The following MROH2A variants were observed in gnomAD, a reference collection of about 807,000 sequenced individuals.
MROH2A encodes maestro heat like repeat family member 2A, also known as maestro heat-like repeat-containing protein family member 2A.
MROH2A carries 174 observed loss-of-function variants against 200.4 expected under a neutral mutation model. That is an observed-to-expected ratio of 0.87 (90% CI 0.77 to 0.98). MROH2A has a LOEUF of 0.98. Among genes scored for constraint, MROH2A ranks in the 50% least tolerant of loss-of-function variants. The pLI, the probability that MROH2A is intolerant of heterozygous loss-of-function variation, is 0.00. For missense variants in MROH2A, 2,045 were observed against 2,139.6 expected (o/e 0.96, Z 0.87); for synonymous variants, 829 against 840.4 (o/e 0.99, Z 0.23).
At position 233,779,957 on chromosome 2, in the gene MROH2A, T is replaced by C. The variant is rs532835891; in HGVS notation, c.276+105T>C. 195 of 978,980 alleles carry C rather than the reference T, an allele frequency of 2.0e-4. 1 individual carries two copies. In the South Asian group the frequency reaches 3.1e-3, roughly 16 times the overall value. 60.6% of individuals were successfully genotyped at this position (978,980 alleles called of 1,614,324 possible). On this transcript the variant is annotated intron_variant, in intron 3 of 41. Transcript: ENST00000389758. ...CTATCAGAGATGTGATGTGTGGTAC[T>C]GGGATACAGAGATGGGCAAGACTGT...
At chr2:233,793,621 T>C in intron 6 of MROH2A, 52 bp from the exon 7 acceptor site, 1 of 1,334,940 alleles carries the variant, frequency 7.5e-7, no homozygotes, top group Non-Finnish European at 9.7e-7. Context: ...AAGGCTTGGT[T>C]CTGCTTCCAG....
intron 39 of MROH2A, 41 bp downstream of exon 39, chr2:233,831,581 C>A: frequency 6.5e-7 from 1 of 1,537,666 alleles, no homozygotes; most frequent in South Asian, 1.2e-5. Context: ...CCCAGGTGGC[C>A]ACACGCTGGC....
rs1701588010 is a variant in MROH2A, at chr2:233,789,484, A to G, written c.277-13A>G. 2 of 1,406,426 alleles carry G rather than the reference A, an allele frequency of 1.4e-6. No homozygotes were observed. The allele number at this position is 1,406,426 out of a possible 1,614,324, so 87.1% of individuals were successfully genotyped here. On this transcript the variant is annotated splice_polypyrimidine_tract_variant and intron_variant, in intron 3 of 41. Coordinates refer to ENST00000389758, the MANE Select transcript of MROH2A (RefSeq NM_001394639.1). ...GGGTGAGGTCCATTCCACCCACCAT[A>G]CTTGTTTCCCAGATTTCCACCCAGC...
intron 24 of MROH2A, 30 bp from the exon 25 acceptor site, chr2:233,813,640 G>A (rs1169161449): frequency 2.1e-6 from 3 of 1,405,770 alleles, no homozygotes; most frequent in Non-Finnish European, 3.0e-6. Flanking sequence ...CCCAATGACT[G>A]TTCCTCTCTT....
chr2:233,793,884 TG>T, intron 7 of MROH2A, 60 bp downstream of exon 7: 1 of 1,331,784 alleles, frequency 7.5e-7, no homozygotes. Flanking sequence ...CCCCAGCCTG[TG>T]GGGCCGGGAG....
Position 233,828,626 on chromosome 2 carries a change from C to A in MROH2A, c.4114-4C>A. On this transcript the variant is annotated splice_region_variant and splice_polypyrimidine_tract_variant and intron_variant, in intron 35 of 41. Transcript: ENST00000389758. This position sits in a 1 kb window ranked among gnomAD's most constrained non-coding sequence, Gnocchi z 4.6. The stretch of plus-strand genomic sequence containing the variant: ...GGATAACTGCCCAATGTCCTCCCTT[C>A]CAGTTCATGAGCGGCCCAGTTCTGT... 6.4e-7 allele frequency: 1 copy of A among 1,550,496 alleles called. No homozygotes were observed. The highest frequency in any genetic ancestry group is 8.7e-7 in the Non-Finnish European group (1 of 1,146,712).
chr2:233,822,437 C>G lies in MROH2A; in HGVS notation c.3747C>G (p.Leu1249=). 1 of 1,545,518 alleles carries G rather than the reference C, an allele frequency of 6.5e-7. No individual in the cohort carries two copies. Among genetic ancestry groups the G allele is most frequent in the Non-Finnish European group, 8.7e-7 (1 of 1,144,930 alleles). The change falls in exon 33 of 42, where the codon CTC becomes CTG. Residue 1249 remains leucine (L), a synonymous_variant. Coordinates refer to ENST00000389758, the MANE Select transcript of MROH2A (RefSeq NM_001394639.1). ...AGCTCCCGGACTTCCTCCCTGACCTCATCTACACCCTCCTGCTGCAGCTTG... is the reference window on the plus strand; with the variant it reads ...AGCTCCCGGACTTCCTCCCTGACCTGATCTACACCCTCCTGCTGCAGCTTG... The part of the protein sequence containing the change: ...NDKLPDFLPD[L]IYTLLLQLGS...
intron 3 of MROH2A, among the ~76,000 whole-genome samples, chr2:233,783,364 T>C (rs1416034613): frequency 6.6e-6 from 1 of 152,194 alleles, no homozygotes; most frequent in Non-Finnish European, 1.5e-5. Flanking sequence ...TTTTCTTTGA[T>C]AAGAAACTTT....
chr2:233,777,033 T>C (rs994417956), upstream of MROH2A, among the ~76,000 whole-genome samples: 5 of 152,224 alleles, frequency 3.3e-5, no homozygotes, highest in Non-Finnish European at 7.3e-5. Context: ...TCTAGCTGTC[T>C]GAGATACATG....
intron 27 of MROH2A, among the ~76,000 whole-genome samples, chr2:233,817,173 A>G (rs726017): frequency 0.84 from 127,634 of 152,200 alleles, 53,573 homozygotes; most frequent in East Asian, 0.89. Flanking sequence ...GGCTAGGAAA[A>G]TGAATATTTA....
chr2:233,787,534 TC>T (rs1701281205), intron 3 of MROH2A, among the ~76,000 whole-genome samples: 1 of 114,260 alleles, frequency 8.8e-6, no homozygotes, highest in Non-Finnish European at 1.6e-5. Flanking sequence ...ATTACATATA[TC>T]ATATATACAT....
chr2:233,826,091 AT>A (rs1342564432), intron 35 of MROH2A, among the ~76,000 whole-genome samples: 4 of 151,782 alleles, frequency 2.6e-5, no homozygotes, highest in East Asian at 1.9e-4. Context: ...CACCCAGCTA[AT>A]TTTTGTATTT....
intron 35 of MROH2A, among the ~76,000 whole-genome samples, chr2:233,826,766 A>G (rs745697217): frequency 5.1e-4 from 78 of 152,226 alleles, no homozygotes; most frequent in Non-Finnish European, 9.7e-4. Flanking sequence ...AAAAGAGACT[A>G]TCATCAGAGT....
intron 3 of MROH2A, among the ~76,000 whole-genome samples, chr2:233,786,124 C>T (rs1701196549): frequency 6.6e-6 from 1 of 152,162 alleles, no homozygotes; most frequent in Non-Finnish European, 1.5e-5. Flanking sequence ...TCTTGGCTCT[C>T]ATTCTCTCTT....
At chr2:233,787,250 A>G (rs904343941) in intron 3 of MROH2A, among the ~76,000 whole-genome samples, 12 of 152,052 alleles carry the variant, frequency 7.9e-5, no homozygotes, top group African/African-American at 2.7e-4. Context: ...AGGGTGCAGT[A>G]AGAGTGTTAA....
chr2:233,798,153 C>G (rs955422151), intron 11 of MROH2A, among the ~76,000 whole-genome samples: 1 of 152,196 alleles, frequency 6.6e-6, no homozygotes, highest in Non-Finnish European at 1.5e-5. Context: ...AGAACTTTCT[C>G]ATGGCTCTTT....
At chr2:233,793,585 A>C (rs1392813547) in intron 6 of MROH2A, 88 bp from the exon 7 acceptor site, 12 of 1,251,906 alleles carry the variant, frequency 9.6e-6, no homozygotes, top group South Asian at 2.6e-5. Context: ...AGGCATGAGC[A>C]CTTCCACTCG....
Position 233,829,731 on chromosome 2 carries a change from C to G in MROH2A, c.4558C>G (p.Pro1520Ala), listed in dbSNP as rs1704587057. 1 of 1,476,278 alleles carries G rather than the reference C, an allele frequency of 6.8e-7. No homozygotes were observed. The highest frequency in any genetic ancestry group is 9.0e-7 in the Non-Finnish European group (1 of 1,110,336). 91.4% of individuals were successfully genotyped at this position (1,476,278 alleles called of 1,614,324 possible). A position where few individuals can be genotyped will look rare whatever the true frequency, so the allele number is the denominator to read the frequency against. ...AGGGGAGGTGAAGAAGGCCTGGATC[C>G]CCCTCATGCTGCACTCCCAGGACCC... ...FKGEVKKAWI[P>A]LMLHSQDPCS... is the part of the protein sequence containing the mutation. Residue 1520 changes from proline to alanine, a missense_variant, in exon 38 of 42, where the codon CCC becomes GCC. By Grantham distance (27) the Pro-to-Ala change is conservative. This residue lies in a region of MROH2A where 1,201 missense variants were observed against 1,311.3 expected (regional missense o/e 0.92). Transcript: ENST00000389758.
In MROH2A at chr2:233,816,057, C is replaced by T. The variant is rs1204700887; in HGVS notation, c.2857-724C>T. Among the ~76,000 whole-genome samples, 5 of 152,232 alleles carry T rather than the reference C, an allele frequency of 3.3e-5. No individual in the cohort carries two copies. In the South Asian group the frequency reaches 1.0e-3, roughly 32 times the overall value. ...TGTTCTCTGATGACATACTTAAATTCCGTATTTTAAATCCTTTTAAATTGA... is the reference window on the plus strand; with the variant it reads ...TGTTCTCTGATGACATACTTAAATTTCGTATTTTAAATCCTTTTAAATTGA... On this transcript the variant is annotated intron_variant, in intron 26 of 41. Coordinates refer to ENST00000389758, the MANE Select transcript of MROH2A (RefSeq NM_001394639.1).
Sources: gnomAD v4.1 joint callset for allele counts (sites outside exome capture counted in the v4.1 genomes callset) on GRCh38, gnomAD v4.1.1 for gene constraint, gnomAD v4.1.1 regional missense constraint, Gnocchi (gnomAD v3.1) non-coding constraint, MANE v1.5 for transcripts, NCBI Gene and HGNC (gene_info 2026-07-23, HGNC 2026-07-21) for gene names.